Variants in METTL8 observed in about 807,000 individuals in gnomAD.
METTL8 encodes methyltransferase 8, tRNA N3-cytidine.
METTL8 carries 32 observed loss-of-function variants against 48.7 expected under a neutral mutation model. The ratio of observed to expected loss-of-function variants is 0.66; its 90% CI spans 0.50 to 0.88. The LOEUF is 0.88. Ranked by LOEUF, METTL8 falls within the 40% of genes least tolerant of loss-of-function variation. METTL8 has a pLI of 0.00. For synonymous variants in METTL8, 136 were observed against 157.1 expected, an observed-to-expected ratio of 0.87 and a Z score of 1.01; for missense variants, 464 against 474.4, an observed-to-expected ratio of 0.98 and a Z score of 0.20.
At chr2:171,395,876 A>C (rs994223131) in intron 1 of METTL8, among the ~76,000 whole-genome samples, 3 of 152,254 alleles carry the variant, frequency 2.0e-5, no homozygotes, top group Non-Finnish European at 4.4e-5. Flanking sequence ...TAGAAAGAAC[A>C]TCATACAGCA....
intron 3 of METTL8, among the ~76,000 whole-genome samples, chr2:171,342,761 G>A (rs1166749619): frequency 6.6e-6 from 1 of 152,172 alleles, no homozygotes; most frequent in Non-Finnish European, 1.5e-5. Flanking sequence ...AAGTGTGTTT[G>A]AGCCCAATTA....
chr2:171,336,396 CTTTTTTT>C (rs146097512), intron 5 of METTL8, among the ~76,000 whole-genome samples: 2 of 80,776 alleles, frequency 2.5e-5, no homozygotes, highest in African/African-American at 4.9e-5. Flanking sequence ...CGCCCGACTG[CTTTTTTT>C]TTTTTTTTTT....
At chr2:171,430,284 G>T (rs915683372) in intron 1 of METTL8, among the ~76,000 whole-genome samples, 1 of 151,792 alleles carries the variant, frequency 6.6e-6, no homozygotes, top group Admixed American at 6.6e-5. Context: ...CTTGAACCTG[G>T]GAGGTGGAGG....
At position 171,319,733 on chromosome 2, in the gene METTL8, CTG is replaced by C. The variant is rs1684437770; in HGVS notation, c.*4437_*4438del. On this transcript the variant is annotated 3_prime_UTR_variant, in exon 10 of 10. Transcript: ENST00000375258. ...AATGCAAAACTTTTAATAATAGAAA[CTG>C]TTATCTTGACTTTCTCACAACCTTC... 6.6e-6 allele frequency: 1 copy of C among 152,150 alleles called. No individual in the cohort carries two copies. Among genetic ancestry groups the C allele is most frequent in the South Asian group, 2.1e-4 (1 of 4,836 alleles). The allele number at this position is 152,150 out of a possible 1,614,324, so 9.4% of individuals were successfully genotyped here.
intron 1 of METTL8, among the ~76,000 whole-genome samples, chr2:171,393,247 C>T (rs533021557): frequency 2.6e-5 from 4 of 151,804 alleles, no homozygotes; most frequent in African/African-American, 9.7e-5. Flanking sequence ...ATAGTGAGAC[C>T]GTTTCTTCAA....
Position 171,360,496 on chromosome 2 carries a change from G to C in METTL8, c.161C>G (p.Ser54Cys). 6.2e-7 allele frequency: 1 copy of C among 1,613,386 alleles called. No individual in the cohort carries two copies. Among genetic ancestry groups the C allele is most frequent in the Non-Finnish European group, 8.5e-7 (1 of 1,179,902 alleles). ...EHNMWDHMQWSKEEEAAARKK... is the reference protein window; with the variant it reads ...EHNMWDHMQWCKEEEAAARKK... ...TCTGGCTGCTGCTTCTTCTTCCTTAGACCACTGCATGTGATCCCTATTAAA... is the reference window on the plus strand; with the variant it reads ...TCTGGCTGCTGCTTCTTCTTCCTTACACCACTGCATGTGATCCCTATTAAA... The change falls in exon 3 of 10, where the codon TCT becomes TGT. Residue 54 changes from serine to cysteine, a missense_variant. Transcript: ENST00000375258.
chr2:171,318,350 T>A lies in METTL8; in HGVS notation c.*5822A>T, dbSNP rs1411906159. On this transcript the variant is annotated 3_prime_UTR_variant, in exon 10 of 10. Transcript: ENST00000375258. Reference sequence around the variant, plus strand: ...GTACATACAATGTTTTAAATAACGATGTTTTCACTCATATTTTATTATGGA... The same window carrying A: ...GTACATACAATGTTTTAAATAACGAAGTTTTCACTCATATTTTATTATGGA... The A allele has an allele frequency of 6.6e-6, 1 of 152,266 alleles. No individual in the cohort carries two copies. Among genetic ancestry groups the A allele is most frequent in the Non-Finnish European group, 1.5e-5 (1 of 68,040 alleles). 9.4% of individuals were successfully genotyped at this position (152,266 alleles called of 1,614,324 possible).
rs748029510 is a variant in METTL8 at position 171,339,265 on chromosome 2, G to T, written c.525C>A (p.Asn175Lys). 6.2e-7 allele frequency: 1 copy of T among 1,611,992 alleles called. No individual in the cohort carries two copies. The highest frequency in any genetic ancestry group is 1.7e-5 in the Admixed American group (1 of 59,848). Residue 175 changes from asparagine (N) to lysine (K), a missense_variant, in exon 4 of 10, where the codon AAC becomes AAA. Asn to Lys is a moderately conservative substitution (Grantham distance 94). Coordinates refer to ENST00000375258, the MANE Select transcript of METTL8 (RefSeq NM_001321154.2). ...CTTTTTTGTGTTTTTCAGAGTCTAGGTTGGAAAAATCAGATTCTGTTTTGC... is the reference window on the plus strand; with the variant it reads ...CTTTTTTGTGTTTTTCAGAGTCTAGTTTGGAAAAATCAGATTCTGTTTTGC... ...GQSKTESDFSNLDSEKHKKGP... is the reference protein window; with the variant it reads ...GQSKTESDFSKLDSEKHKKGP...
intron 4 of METTL8, 59 bp downstream of exon 4, chr2:171,339,125 C>T: frequency 7.3e-7 from 1 of 1,360,570 alleles, no homozygotes; most frequent in Non-Finnish European, 9.7e-7. Flanking sequence ...TAAAATAATA[C>T]AGAATGTACA....
chr2:171,425,828 A>C (rs538249034), intron 1 of METTL8, among the ~76,000 whole-genome samples: 1 of 152,362 alleles, frequency 6.6e-6, no homozygotes, highest in African/African-American at 2.4e-5. Flanking sequence ...GGAGACAGGG[A>C]TAAGAATGTC....
chr2:171,413,136 ATTTTAATGTAG>A (rs1301108764), intron 1 of METTL8, among the ~76,000 whole-genome samples: 1 of 152,234 alleles, frequency 6.6e-6, no homozygotes, highest in Non-Finnish European at 1.5e-5. Flanking sequence ...AGACCAATGG[ATTTTAATGTAG>A]CAGAATATGA....
At chr2:171,380,610 G>A (rs1409095686) in intron 2 of METTL8, among the ~76,000 whole-genome samples, 10 of 151,962 alleles carry the variant, frequency 6.6e-5, no homozygotes, top group Non-Finnish European at 1.3e-4. Flanking sequence ...AACAATAGAC[G>A]AGCAGAGAGC....
chr2:171,384,693 T>C (rs1687881680), intron 2 of METTL8, among the ~76,000 whole-genome samples: 1 of 147,198 alleles, frequency 6.8e-6, no homozygotes, highest in Non-Finnish European at 1.5e-5. Context: ...TAGCCAGGTG[T>C]GGGTAGCACA....
chr2:171,428,616 G>C lies in METTL8; in HGVS notation c.-13+5267C>G, dbSNP rs1220825214. Among the ~76,000 whole-genome samples, 9 of 152,320 alleles carry C rather than the reference G, an allele frequency of 5.9e-5. No homozygotes were observed. The South Asian group carries it at 1.5e-3, about 25-fold the overall frequency. ...CACATTTTAGGTAGTGTAAAGCAGG[G>C]AGAATTATATTACTACTCAGTTTCT... On this transcript the variant is annotated intron_variant, in intron 1 of 9. Coordinates refer to ENST00000375258, the MANE Select transcript of METTL8 (RefSeq NM_001321154.2).
intron 5 of METTL8, among the ~76,000 whole-genome samples, chr2:171,334,331 G>A (rs6752479): frequency 6.6e-6 from 1 of 152,110 alleles, no homozygotes; most frequent in Non-Finnish European, 1.5e-5. Context: ...AGCAGCCCAA[G>A]GTGATGTCTT....
In METTL8 at chr2:171,392,135, C is replaced by T; in HGVS notation, c.51G>A (p.Val17=). The T allele has an allele frequency of 6.4e-7, 1 of 1,551,596 alleles. No homozygotes were observed. The highest frequency in any genetic ancestry group is 8.7e-7 in the Non-Finnish European group (1 of 1,146,930). ...GGTAACCACTTTGGTATCTGTGTGGCACCTTTCCTAGCCTTAGACAAGAAA... is the reference window on the plus strand; with the variant it reads ...GGTAACCACTTTGGTATCTGTGTGGTACCTTTCCTAGCCTTAGACAAGAAA... ...NSISCLRLGK[V]PHRYQSGYHP... is the part of the protein sequence containing the mutation. Residue 17 remains valine (V), a synonymous_variant, in exon 2 of 10, where the codon GTG becomes GTA. Transcript: ENST00000375258.
intron 3 of METTL8, among the ~76,000 whole-genome samples, chr2:171,345,611 A>G (rs1226653468): frequency 6.6e-6 from 1 of 152,218 alleles, no homozygotes; most frequent in Non-Finnish European, 1.5e-5. Context: ...CTCTCTCTAT[A>G]TATTTTTTTC....
intron 2 of METTL8, among the ~76,000 whole-genome samples, chr2:171,366,905 A>G (rs1332398028): frequency 2.0e-5 from 3 of 151,582 alleles, no homozygotes; most frequent in Non-Finnish European, 4.4e-5. Context: ...AAAAAAAAAA[A>G]AAACTGGGAG....
intron 1 of METTL8, among the ~76,000 whole-genome samples, chr2:171,404,056 T>C (rs1442154712): frequency 6.3e-4 from 22 of 35,156 alleles, no homozygotes; most frequent in Non-Finnish European, 6.0e-5. Flanking sequence ...CTTTCTCATA[T>C]ATATATATAT....
Sources: allele counts gnomAD v4.1 joint callset (sites outside exome capture counted in the v4.1 genomes callset), GRCh38; gene constraint gnomAD v4.1.1; transcripts MANE v1.5; gene names NCBI Gene and HGNC (gene_info 2026-07-23, HGNC 2026-07-21).